Variants in SASH1 observed in about 807,000 individuals in gnomAD.
SASH1 encodes SAM and SH3 domain-containing protein 1.
In SASH1, 44 loss-of-function variants were observed where a neutral mutation model predicts 125.2. That is an observed-to-expected ratio of 0.35 (90% CI 0.28 to 0.45). SASH1 has a LOEUF of 0.45. Ranked by LOEUF, SASH1 falls within the 20% of genes least tolerant of loss-of-function variation. SASH1 has a pLI of 1.00. For missense variants in SASH1, 1,426 were observed against 1,614.5 expected, an observed-to-expected ratio of 0.88 and a Z score of 2.00; for synonymous variants, 639 against 649.1, an observed-to-expected ratio of 0.98 and a Z score of 0.24.
chr6:148,301,604 G>A (rs936032007), intron 1 of SASH1, among the ~76,000 whole-genome samples: 8 of 151,160 alleles, frequency 5.3e-5, no homozygotes, highest in Non-Finnish European at 1.0e-4. Flanking sequence ...TTTGAGACAG[G>A]ATCTTGCTCT....
At chr6:148,516,316 A>T (rs1257877331) in intron 9 of SASH1, among the ~76,000 whole-genome samples, 1 of 148,214 alleles carries the variant, frequency 6.7e-6, no homozygotes, top group Admixed American at 6.7e-5. Flanking sequence ...GTGTGTGTGT[A>T]GCTCAAGGCG....
At chr6:148,309,774 G>A (rs1416146037) in intron 1 of SASH1, among the ~76,000 whole-genome samples, 5 of 152,024 alleles carry the variant, frequency 3.3e-5, no homozygotes, top group Non-Finnish European at 7.3e-5. Context: ...CATGTTGGGT[G>A]GGTCAGAGCT....
the SASH1 span, among the ~76,000 whole-genome samples, chr6:148,246,931 T>G: frequency 6.6e-6 from 1 of 152,228 alleles, no homozygotes; most frequent in Non-Finnish European, 1.5e-5. Context: ...TACTAAGTGT[T>G]TGGAATGCAG....
chr6:148,440,572 A>G, intron 4 of SASH1, 165 bp downstream of exon 4: 5 of 625,302 alleles, frequency 8.0e-6, no homozygotes, highest in South Asian at 4.0e-5. Flanking sequence ...GGTGGCTAAG[A>G]GTGTGTTTTG....
intron 4 of SASH1, among the ~76,000 whole-genome samples, chr6:148,457,945 G>A (rs1177607994): frequency 1.3e-5 from 2 of 152,114 alleles, no homozygotes; most frequent in African/African-American, 4.8e-5. Context: ...GAGGGTAACC[G>A]CCCCCATGAT....
chr6:148,517,112 A>C (rs951335954), intron 9 of SASH1, among the ~76,000 whole-genome samples: 2 of 152,204 alleles, frequency 1.3e-5, no homozygotes, highest in African/African-American at 2.4e-5. Flanking sequence ...CTTTCAGTTC[A>C]TACAGCACTT....
intron 1 of SASH1, among the ~76,000 whole-genome samples, chr6:148,358,882 C>T (rs763478084): frequency 3.3e-5 from 5 of 151,534 alleles, no homozygotes; most frequent in Non-Finnish European, 7.4e-5. Context: ...ACTACAAGCA[C>T]CCATCACCAC....
chr6:148,336,429 C>T (rs950053741), intron 1 of SASH1, among the ~76,000 whole-genome samples: 39 of 152,246 alleles, frequency 2.6e-4, no homozygotes, highest in African/African-American at 8.7e-4. Flanking sequence ...CCGCCCGCCT[C>T]AGCCTCCCAA....
In SASH1 at chr6:148,533,919, G is replaced by A. The variant is rs765106943; in HGVS notation, c.1883G>A (p.Arg628Gln). 10 of 1,613,828 alleles carry A rather than the reference G, an allele frequency of 6.2e-6. No individual in the cohort carries two copies. The highest frequency in any genetic ancestry group is 4.0e-5 in the African/African-American group (3 of 74,888). ...EKPKRPTRRR[R>Q]KGRPPQPKSV... ...CCCAAACGCCCCACCAGGAGGCGTC[G>A]GAAAGGACGACCACCCCAGCCCAAG... is the stretch of plus-strand genomic sequence containing the variant. Residue 628 changes from arginine (R) to glutamine (Q), a missense_variant, in exon 15 of 20, where the codon CGG becomes CAG. This residue lies in a region of SASH1 where 225 missense variants were observed against 344.5 expected (regional missense o/e 0.65). Transcript: ENST00000367467. The surrounding 1 kb of genome is among the most constrained non-coding windows in gnomAD (Gnocchi z 6.2).
chr6:148,385,716 C>G (rs1354592273), intron 1 of SASH1, among the ~76,000 whole-genome samples: 1 of 152,168 alleles, frequency 6.6e-6, no homozygotes, highest in African/African-American at 2.4e-5. Context: ...CCCCAAAAGA[C>G]TGGGTTCTGG....
chr6:148,399,798 TTGGCC>T (rs1784104535), intron 2 of SASH1, among the ~76,000 whole-genome samples: 1 of 141,812 alleles, frequency 7.1e-6, no homozygotes, highest in South Asian at 2.2e-4. Context: ...TGGCCAGGGC[TTGGCC>T]AGGGCTTGGG....
At chr6:148,359,435 A>G (rs996291378) in intron 1 of SASH1, among the ~76,000 whole-genome samples, 1 of 151,450 alleles carries the variant, frequency 6.6e-6, no homozygotes, top group Admixed American at 6.6e-5. Flanking sequence ...CCTATGTCAC[A>G]TTTTGAAGCT....
intron 1 of SASH1, among the ~76,000 whole-genome samples, chr6:148,361,202 A>G (rs1350655708): frequency 2.0e-5 from 3 of 152,174 alleles, no homozygotes; most frequent in African/African-American, 4.8e-5. Flanking sequence ...AAGCCACCCA[A>G]TTATTGGTGC....
chr6:148,204,990 A>T, the SASH1 span, among the ~76,000 whole-genome samples: 1 of 152,098 alleles, frequency 6.6e-6, no homozygotes, highest in African/African-American at 2.4e-5. Flanking sequence ...AGCATTCAGG[A>T]GATTGGGGTA....
intron 1 of SASH1, among the ~76,000 whole-genome samples, chr6:148,295,723 C>T (rs536416813): frequency 2.0e-5 from 3 of 152,302 alleles, no homozygotes; most frequent in East Asian, 1.9e-4. Flanking sequence ...TGTCTGAGGA[C>T]GTGCAGTTGG....
chr6:148,512,820 A>T, intron 8 of SASH1: 11 of 985,166 alleles, frequency 1.1e-5, no homozygotes, highest in Non-Finnish European at 1.3e-5. Context: ...CACTTTACAG[A>T]AGAGAAGTCT....
chr6:148,476,148 A>G (rs1410786834), intron 7 of SASH1, among the ~76,000 whole-genome samples: 1 of 152,094 alleles, frequency 6.6e-6, no homozygotes, highest in Non-Finnish European at 1.5e-5. Context: ...AATACTCTGA[A>G]AAGAAATCAA....
the SASH1 span, among the ~76,000 whole-genome samples, chr6:148,235,317 A>G: frequency 6.6e-6 from 1 of 152,226 alleles, no homozygotes; most frequent in East Asian, 1.9e-4. Context: ...CCTCAAATGT[A>G]TTTAACTCAC....
At chr6:148,313,898 TC>T (rs112763515) in intron 1 of SASH1, among the ~76,000 whole-genome samples, 7,281 of 152,120 alleles carry the variant, frequency 0.048, 294 homozygotes, top group South Asian at 0.14. Flanking sequence ...AATCCTTCCC[TC>T]CCCCTTGCAT....
Sources: gnomAD v4.1 joint callset for allele counts (sites outside exome capture counted in the v4.1 genomes callset) on GRCh38, gnomAD v4.1.1 for gene constraint, gnomAD v4.1.1 regional missense constraint, Gnocchi (gnomAD v3.1) non-coding constraint, MANE v1.5 for transcripts, NCBI Gene and HGNC (gene_info 2026-07-23, HGNC 2026-07-21) for gene names.